Variants in DAG1 observed in about 807,000 individuals in gnomAD.
DAG1 encodes the protein dystroglycan 1.
DAG1 carries 8 observed loss-of-function variants against 46.1 expected under a neutral mutation model. That is an observed-to-expected ratio of 0.17 (90% CI 0.10 to 0.31). The LOEUF (loss-of-function observed/expected upper bound fraction) is 0.31, where lower values mean the gene tolerates loss of function less well. Among genes scored for constraint, DAG1 ranks in the 10% least tolerant of loss-of-function variants. The probability of loss-of-function intolerance (pLI) is 1.00; values close to 1 mark genes in which losing one functional copy is unlikely to be tolerated. For synonymous variants in DAG1, 495 were observed against 481.8 expected (o/e 1.03, Z -0.36); for missense variants, 1,003 against 1,189.9 (o/e 0.84, Z 2.31).
chr3:49,492,456 G>A (rs1166150819), intron 1 of DAG1, among the ~76,000 whole-genome samples: 2 of 152,102 alleles, frequency 1.3e-5, no homozygotes, highest in Non-Finnish European at 2.9e-5. Context: ...AGACCAGCCT[G>A]GGCAACGTGG....
intron 1 of DAG1, among the ~76,000 whole-genome samples, chr3:49,504,395 C>A (rs974534966): frequency 6.6e-6 from 1 of 151,804 alleles, no homozygotes; most frequent in Non-Finnish European, 1.5e-5. Context: ...TTTAATCATT[C>A]ACCCATTGAA....
intron 1 of DAG1, among the ~76,000 whole-genome samples, chr3:49,487,934 C>G (rs1262852879): frequency 1.3e-5 from 2 of 151,880 alleles, no homozygotes; most frequent in Non-Finnish European, 2.9e-5. Context: ...GATCTCCTGA[C>G]CTCGTGATCT....
intron 1 of DAG1, among the ~76,000 whole-genome samples, chr3:49,484,250 C>T (rs1469936751): frequency 6.6e-6 from 1 of 152,044 alleles, no homozygotes; most frequent in Non-Finnish European, 1.5e-5. Flanking sequence ...TGTGCTTTTT[C>T]CAATTTTAAA....
rs147292984 is a variant in DAG1 at position 49,528,275 on chromosome 3, A to ATTTTTTTTTTTTTT, written c.286-2508_286-2495dup. ...CAGCCAAAACATTTGAAATAGTGTG[A>ATTTTTTTTTTTTTT]TTTTTTTTTTTTTTTTTTTTTTTTT... is the stretch of plus-strand genomic sequence containing the variant. On this transcript the variant is annotated intron_variant, in intron 2 of 2. Coordinates refer to ENST00000308775, the MANE Select transcript of DAG1 (RefSeq NM_004393.6). Among the ~76,000 whole-genome samples the ATTTTTTTTTTTTTT allele has an allele frequency of 2.8e-3, 187 of 66,626 alleles. 34 individuals are homozygous for ATTTTTTTTTTTTTT. Among genetic ancestry groups the ATTTTTTTTTTTTTT allele is most frequent in the African/African-American group, 8.6e-3 (125 of 14,516 alleles). 43.7% of individuals were successfully genotyped at this position (66,626 alleles called of 152,430 possible).
chr3:49,503,743 G>A (rs1456184481), intron 1 of DAG1, among the ~76,000 whole-genome samples: 3 of 151,982 alleles, frequency 2.0e-5, no homozygotes, highest in East Asian at 1.9e-4. Flanking sequence ...TGGGAGGATC[G>A]CGTGAGCCCG....
chr3:49,526,275 C>T (rs1310993080), intron 2 of DAG1, among the ~76,000 whole-genome samples: 1 of 152,226 alleles, frequency 6.6e-6, no homozygotes, highest in African/African-American at 2.4e-5. Context: ...GACCCCACCT[C>T]CAACACTAGG....
At chr3:49,480,490 G>A (rs1222000563) in intron 1 of DAG1, among the ~76,000 whole-genome samples, 1 of 148,172 alleles carries the variant, frequency 6.7e-6, no homozygotes, top group East Asian at 2.0e-4. Context: ...TGTTAGCCAG[G>A]AGACCTGTTA....
chr3:49,522,010 C>T (rs569584491), intron 2 of DAG1, among the ~76,000 whole-genome samples: 10 of 150,152 alleles, frequency 6.7e-5, no homozygotes, highest in East Asian at 4.0e-4. Context: ...CCAACATGCC[C>T]GGCTAATTTT....
At chr3:49,478,363 G>A (rs774245737) in intron 1 of DAG1, among the ~76,000 whole-genome samples, 2 of 148,348 alleles carry the variant, frequency 1.3e-5, no homozygotes, top group South Asian at 2.2e-4. Context: ...GGGAGGCTAA[G>A]GTGGGAGGAT....
At chr3:49,507,919 C>T (rs553409381) in intron 1 of DAG1, among the ~76,000 whole-genome samples, 107 of 151,850 alleles carry the variant, frequency 7.0e-4, no homozygotes, top group African/African-American at 2.5e-3. Flanking sequence ...GGAATCTGTT[C>T]GTTTAGTTTG....
At chr3:49,494,446 A>G (rs989955945) in intron 1 of DAG1, among the ~76,000 whole-genome samples, 3 of 152,212 alleles carry the variant, frequency 2.0e-5, no homozygotes, top group Non-Finnish European at 4.4e-5. Flanking sequence ...ATTAGGTCAG[A>G]AAGGCCACCA....
chr3:49,522,412 G>A (rs1434264431), intron 2 of DAG1, among the ~76,000 whole-genome samples: 12 of 151,644 alleles, frequency 7.9e-5, no homozygotes, highest in Non-Finnish European at 1.3e-4. Context: ...TGATCCACCC[G>A]CTTCGGCTCC....
At chr3:49,529,227 C>G (rs918783991) in intron 2 of DAG1, among the ~76,000 whole-genome samples, 1 of 151,860 alleles carries the variant, frequency 6.6e-6, no homozygotes. Flanking sequence ...AGATGGGGGT[C>G]TCACTGTGTT....
intron 2 of DAG1, among the ~76,000 whole-genome samples, chr3:49,513,664 G>A (rs1393078173): frequency 6.6e-6 from 1 of 152,116 alleles, no homozygotes; most frequent in African/African-American, 2.4e-5. Flanking sequence ...TGACCTTGTG[G>A]TCTCTGGGGC....
chr3:49,494,281 T>C (rs922751254), intron 1 of DAG1, among the ~76,000 whole-genome samples: 1 of 152,174 alleles, frequency 6.6e-6, no homozygotes, highest in African/African-American at 2.4e-5. Flanking sequence ...GCAGTGAATA[T>C]GCCAGAATTC....
intron 1 of DAG1, among the ~76,000 whole-genome samples, chr3:49,479,459 G>C (rs188583925): frequency 8.7e-4 from 129 of 148,938 alleles, no homozygotes; most frequent in Non-Finnish European, 1.4e-3. Flanking sequence ...ACAAGTGCGT[G>C]CCACCACACC....
chr3:49,499,084 G>C (rs1575369759), intron 1 of DAG1, among the ~76,000 whole-genome samples: 1 of 152,194 alleles, frequency 6.6e-6, no homozygotes, highest in South Asian at 2.1e-4. Context: ...AGGTAGCGTA[G>C]CTATTTGGGA....
intron 1 of DAG1, among the ~76,000 whole-genome samples, chr3:49,501,814 CAAAA>C (rs397946201): frequency 8.2e-6 from 1 of 121,714 alleles, no homozygotes. Context: ...ACTCCCTCTC[CAAAA>C]AAAAAAAAAA....
At chr3:49,495,803 C>T (rs1254256126) in intron 1 of DAG1, among the ~76,000 whole-genome samples, 2 of 152,122 alleles carry the variant, frequency 1.3e-5, no homozygotes, top group Non-Finnish European at 2.9e-5. Context: ...ACCTGTAACC[C>T]CAGCTACTCA....
Sources: allele counts gnomAD v4.1 joint callset (sites outside exome capture counted in the v4.1 genomes callset), GRCh38; gene constraint gnomAD v4.1.1; transcripts MANE v1.5; gene names NCBI Gene and HGNC (gene_info 2026-07-23, HGNC 2026-07-21).